Variants in TCF12 observed in about 807,000 individuals in gnomAD.
The protein encoded by TCF12 is DNA-binding protein HTF4.
In TCF12, 45 loss-of-function variants were observed where a neutral mutation model predicts 86.0. That is an observed-to-expected ratio of 0.52 (90% CI 0.41 to 0.67). TCF12 has a LOEUF of 0.67. Ranked by LOEUF, TCF12 falls within the 30% of genes least tolerant of loss-of-function variation. The probability of loss-of-function intolerance (pLI) is 0.00; values close to 1 mark genes in which losing one functional copy is unlikely to be tolerated. For missense variants in TCF12, 881 were observed against 859.9 expected, an observed-to-expected ratio of 1.02 and a Z score of -0.31; for synonymous variants, 330 against 299.6, an observed-to-expected ratio of 1.10 and a Z score of -1.05.
At chr15:57,231,114 C>A in intron 8 of TCF12, 38 bp from the exon 9 acceptor site, 3 of 1,458,810 alleles carry the variant, frequency 2.1e-6, no homozygotes, top group East Asian at 4.5e-5. Context: ...ATATGATAGT[C>A]ATTTACATTT....
chr15:57,059,739 G>A (rs8023360), intron 3 of TCF12, among the ~76,000 whole-genome samples: 1 of 145,008 alleles, frequency 6.9e-6, no homozygotes, highest in African/African-American at 2.6e-5. Context: ...GTGGTGGGGG[G>A]CTGGGGGGAG....
chr15:56,942,398 G>A (rs2060819459), intron 3 of TCF12, among the ~76,000 whole-genome samples: 1 of 152,156 alleles, frequency 6.6e-6, no homozygotes, highest in African/African-American at 2.4e-5. Flanking sequence ...TCTCATTGAT[G>A]TTTAAAGAGT....
chr15:57,290,116 G>A (rs1183459643), downstream of TCF12, among the ~76,000 whole-genome samples: 3 of 151,822 alleles, frequency 2.0e-5, no homozygotes, highest in South Asian at 2.1e-4. Flanking sequence ...AGGCCAATGC[G>A]AGCGATACAC....
chr15:57,005,052 A>G (rs536751395), intron 3 of TCF12, among the ~76,000 whole-genome samples: 1 of 152,200 alleles, frequency 6.6e-6, no homozygotes, highest in Non-Finnish European at 1.5e-5. Context: ...TTATGATATA[A>G]ATATCTCTCT....
chr15:57,012,469 G>A (rs1474165151), intron 3 of TCF12, among the ~76,000 whole-genome samples: 1 of 152,134 alleles, frequency 6.6e-6, no homozygotes, highest in East Asian at 1.9e-4. Flanking sequence ...TCTAACTCTT[G>A]TACGCCGCAT....
chr15:57,113,398 C>T (rs1452718100), intron 5 of TCF12, among the ~76,000 whole-genome samples: 2 of 152,158 alleles, frequency 1.3e-5, no homozygotes, highest in Non-Finnish European at 2.9e-5. Flanking sequence ...TCTTTTTCTG[C>T]TGAATTATAA....
At chr15:57,176,131 A>C (rs1219731492) in intron 6 of TCF12, among the ~76,000 whole-genome samples, 1 of 152,126 alleles carries the variant, frequency 6.6e-6, no homozygotes, top group Non-Finnish European at 1.5e-5. Context: ...CCAGGAGTTC[A>C]AGGTTACAGT....
chr15:57,124,011 T>C (rs1381407837), intron 5 of TCF12, among the ~76,000 whole-genome samples: 5 of 149,568 alleles, frequency 3.3e-5, no homozygotes, highest in African/African-American at 1.2e-4. Context: ...AGGGACACAG[T>C]CTCACATTGC....
At chr15:57,281,300 A>C (rs998754042) in intron 19 of TCF12, among the ~76,000 whole-genome samples, 15 of 152,210 alleles carry the variant, frequency 9.9e-5, no homozygotes, top group African/African-American at 3.6e-4. Flanking sequence ...AAGAAGCAGC[A>C]GAGGTTTTTA....
intron 3 of TCF12, among the ~76,000 whole-genome samples, chr15:57,055,069 C>G (rs1245073312): frequency 6.6e-6 from 1 of 151,944 alleles, no homozygotes; most frequent in Non-Finnish European, 1.5e-5. Flanking sequence ...ATATATGATA[C>G]TATTCCCTAG....
At chr15:57,290,378 T>C (rs2062059011), downstream of TCF12, among the ~76,000 whole-genome samples, 1 of 151,126 alleles carries the variant, frequency 6.6e-6, no homozygotes, top group Non-Finnish European at 1.5e-5. Flanking sequence ...GCCAGTAGGC[T>C]TTGCCCAGTC....
intron 16 of TCF12, among the ~76,000 whole-genome samples, chr15:57,253,886 C>A (rs2060228001): frequency 6.6e-6 from 1 of 152,026 alleles, no homozygotes; most frequent in African/African-American, 2.4e-5. Flanking sequence ...AACTTTATTC[C>A]CGAACTGCGG....
At chr15:57,111,618 G>T (rs1194562657) in intron 5 of TCF12, among the ~76,000 whole-genome samples, 1 of 143,774 alleles carries the variant, frequency 7.0e-6, no homozygotes, top group Admixed American at 7.1e-5. Flanking sequence ...TTAAGATAGG[G>T]TCTCACTCTG....
chr15:57,279,790 T>G (rs2061593882), intron 19 of TCF12, among the ~76,000 whole-genome samples: 1 of 151,980 alleles, frequency 6.6e-6, no homozygotes, highest in Non-Finnish European at 1.5e-5. Flanking sequence ...AATTTTCACA[T>G]CTCACATTCT....
At chr15:57,247,990 C>T in intron 13 of TCF12, 1 of 723,506 alleles carries the variant, frequency 1.4e-6, no homozygotes, top group Admixed American at 1.9e-5. Flanking sequence ...CCCCACCACC[C>T]CACCCCCACA....
chr15:57,056,659 A>G (rs1234167912), intron 3 of TCF12, among the ~76,000 whole-genome samples: 1 of 151,802 alleles, frequency 6.6e-6, no homozygotes, highest in African/African-American at 2.4e-5. Flanking sequence ...GAGTTTTGCC[A>G]TGTTGCTCAG....
chr15:57,123,722 C>A (rs1567468670), intron 5 of TCF12, among the ~76,000 whole-genome samples: 1 of 151,676 alleles, frequency 6.6e-6, no homozygotes, highest in African/African-American at 2.4e-5. Flanking sequence ...GAGGCCGAGG[C>A]GGGTGGATCA....
chr15:57,224,661 T>C (rs1006230689), intron 8 of TCF12, among the ~76,000 whole-genome samples: 1 of 152,190 alleles, frequency 6.6e-6, no homozygotes, highest in Admixed American at 6.5e-5. Context: ...AAAATAAACA[T>C]GTCTCTGGAA....
intron 19 of TCF12, among the ~76,000 whole-genome samples, chr15:57,274,910 C>T (rs2061311087): frequency 6.6e-6 from 1 of 151,960 alleles, no homozygotes; most frequent in South Asian, 2.1e-4. Flanking sequence ...CAGATCTAAG[C>T]CATTAAAATG....
Sources: gnomAD v4.1 joint callset for allele counts (sites outside exome capture counted in the v4.1 genomes callset) on GRCh38, gnomAD v4.1.1 for gene constraint, MANE v1.5 for transcripts, NCBI Gene and HGNC (gene_info 2026-07-23, HGNC 2026-07-21) for gene names.